The following CHRM3 variants were observed in gnomAD, a reference collection of about 807,000 sequenced individuals.
CHRM3 encodes muscarinic acetylcholine receptor M3.
In CHRM3, 11 loss-of-function variants were observed where a neutral mutation model predicts 41.8. The observed-to-expected ratio is 0.26, with a 90% confidence interval of 0.17 to 0.44. CHRM3 has a LOEUF of 0.44. Among genes scored for constraint, CHRM3 ranks in the 20% least tolerant of loss-of-function variants. The pLI is 1.00. For synonymous variants in CHRM3, 297 were observed against 301.4 expected, an observed-to-expected ratio of 0.99 and a Z score of 0.15; for missense variants, 571 against 745.4, an observed-to-expected ratio of 0.77 and a Z score of 2.72.
At chr1:239,692,261 T>G (rs1353110685) in intron 5 of CHRM3, among the ~76,000 whole-genome samples, 1 of 152,182 alleles carries the variant, frequency 6.6e-6, no homozygotes, top group Non-Finnish European at 1.5e-5. Context: ...CCAGGCTTTT[T>G]GATGGGGCAG....
At chr1:239,830,436 G>T (rs1672800771) in intron 6 of CHRM3, among the ~76,000 whole-genome samples, 1 of 152,180 alleles carries the variant, frequency 6.6e-6, no homozygotes, top group Admixed American at 6.5e-5. Flanking sequence ...TGGCACAGTG[G>T]CTCACGCCTG....
chr1:239,487,247 A>G (rs1260344460), intron 1 of CHRM3, among the ~76,000 whole-genome samples: 1 of 151,884 alleles, frequency 6.6e-6, no homozygotes, highest in Non-Finnish European at 1.5e-5. Context: ...GTACATTGAA[A>G]CCCCTAATAA....
intron 2 of CHRM3, among the ~76,000 whole-genome samples, chr1:239,534,352 C>G (rs1657991242): frequency 6.6e-6 from 1 of 152,268 alleles, no homozygotes; most frequent in East Asian, 1.9e-4. Context: ...GGAGAACGTG[C>G]ATACTGATTT....
chr1:239,820,526 G>C (rs141134441), intron 5 of CHRM3, among the ~76,000 whole-genome samples: 1 of 152,300 alleles, frequency 6.6e-6, no homozygotes, highest in African/African-American at 2.4e-5. Context: ...CCGGATTTTA[G>C]GCAAATACGG....
chr1:239,486,486 G>A (rs138927440), intron 1 of CHRM3, among the ~76,000 whole-genome samples: 21 of 152,188 alleles, frequency 1.4e-4, no homozygotes, highest in African/African-American at 5.1e-4. Flanking sequence ...CTGTCTGTGG[G>A]AACTTGATCA....
chr1:239,710,994 C>G (rs1661722713), intron 5 of CHRM3, among the ~76,000 whole-genome samples: 2 of 152,098 alleles, frequency 1.3e-5, no homozygotes, highest in Non-Finnish European at 2.9e-5. Flanking sequence ...TTTGACAACT[C>G]TCACTCATTC....
intron 1 of CHRM3, among the ~76,000 whole-genome samples, chr1:239,472,539 A>G (rs980221364): frequency 6.6e-5 from 10 of 152,232 alleles, no homozygotes; most frequent in African/African-American, 2.2e-4. Context: ...TTTAAAGAGC[A>G]GGTAACAACT....
chr1:239,854,124 A>C (rs899675758), intron 6 of CHRM3, among the ~76,000 whole-genome samples: 3 of 152,102 alleles, frequency 2.0e-5, no homozygotes, highest in Non-Finnish European at 4.4e-5. Flanking sequence ...CAGTAAATTC[A>C]TTGTTCTTTA....
intron 6 of CHRM3, among the ~76,000 whole-genome samples, chr1:239,901,744 T>C (rs1679590426): frequency 6.6e-6 from 1 of 152,202 alleles, no homozygotes; most frequent in Admixed American, 6.5e-5. Context: ...ATTTTTGAAT[T>C]CATTTCAAAA....
intron 5 of CHRM3, among the ~76,000 whole-genome samples, chr1:239,770,089 T>C (rs547505921): frequency 1.6e-4 from 24 of 152,308 alleles, no homozygotes; most frequent in African/African-American, 5.8e-4. Flanking sequence ...AAAAGCTCTA[T>C]ATCAAAATAC....
intron 5 of CHRM3, among the ~76,000 whole-genome samples, chr1:239,810,280 G>A (rs909110284): frequency 2.0e-5 from 3 of 152,010 alleles, no homozygotes; most frequent in Admixed American, 2.0e-4. Context: ...CAAGGAATGC[G>A]GGGGGACTTG....
chr1:239,799,479 G>A (rs1004173576), intron 5 of CHRM3, among the ~76,000 whole-genome samples: 3 of 152,098 alleles, frequency 2.0e-5, no homozygotes, highest in African/African-American at 4.8e-5. Context: ...CAGGAAGCCC[G>A]CTCATGGAAT....
chr1:239,434,364 T>C (rs571873746), intron 1 of CHRM3, among the ~76,000 whole-genome samples: 2 of 152,332 alleles, frequency 1.3e-5, no homozygotes, highest in East Asian at 3.9e-4. Flanking sequence ...TTTAGCTAAT[T>C]CCTACAACTC....
At chr1:239,677,422 C>T (rs186817724) in intron 4 of CHRM3, among the ~76,000 whole-genome samples, 3 of 152,164 alleles carry the variant, frequency 2.0e-5, no homozygotes, top group African/African-American at 7.2e-5. Context: ...TACCTAGTTG[C>T]GTCTTTTTTT....
intron 6 of CHRM3, among the ~76,000 whole-genome samples, chr1:239,891,893 A>G (rs1678581391): frequency 6.6e-6 from 1 of 152,136 alleles, no homozygotes; most frequent in Non-Finnish European, 1.5e-5. Flanking sequence ...GCCTTAAGGG[A>G]AGAAAGCTTC....
intron 6 of CHRM3, among the ~76,000 whole-genome samples, chr1:239,831,294 G>C (rs1275258012): frequency 1.3e-5 from 2 of 152,008 alleles, no homozygotes; most frequent in African/African-American, 2.4e-5. Flanking sequence ...TTTGATGTAG[G>C]AACATCAAAG....
intron 5 of CHRM3, among the ~76,000 whole-genome samples, chr1:239,725,218 T>G (rs1663326613): frequency 1.3e-5 from 2 of 151,960 alleles, no homozygotes; most frequent in Non-Finnish European, 1.5e-5. Flanking sequence ...GCATACTTTA[T>G]GAAATGATTA....
At chr1:239,505,128 T>A (rs1304424153) in intron 2 of CHRM3, among the ~76,000 whole-genome samples, 1 of 152,176 alleles carries the variant, frequency 6.6e-6, no homozygotes, top group Non-Finnish European at 1.5e-5. Context: ...AATTACTGAT[T>A]TCTTTGCCTT....
intron 3 of CHRM3, among the ~76,000 whole-genome samples, chr1:239,581,034 T>C (rs1432136033): frequency 2.0e-5 from 3 of 151,904 alleles, no homozygotes; most frequent in Admixed American, 6.6e-5. Context: ...AGTTGCATTT[T>C]GTCACTTTTA....
Sources: gnomAD v4.1 joint callset for allele counts (sites outside exome capture counted in the v4.1 genomes callset) on GRCh38, gnomAD v4.1.1 for gene constraint, MANE v1.5 for transcripts, NCBI Gene and HGNC (gene_info 2026-07-23, HGNC 2026-07-21) for gene names.